OPCML: variants seen among roughly 807,000 people sequenced by gnomAD.
OPCML encodes the protein opioid-binding protein/cell adhesion molecule.
Under a neutral mutation model 37.8 loss-of-function variants are expected in OPCML, and 13 were observed. That is an observed-to-expected ratio of 0.34 (90% CI 0.22 to 0.55). The LOEUF (loss-of-function observed/expected upper bound fraction) is 0.55. Ranked by LOEUF, OPCML falls within the 20% of genes least tolerant of loss-of-function variation. The probability of loss-of-function intolerance (pLI) is 0.91; values close to 1 mark genes in which losing one functional copy is unlikely to be tolerated. For missense variants in OPCML, 341 were observed against 435.6 expected (o/e 0.78, Z 1.93); for synonymous variants, 176 against 168.8 (o/e 1.04, Z -0.33).
Position 132,710,282 on chromosome 11 carries a change from T to C in OPCML, c.147-52963A>G, listed in dbSNP as rs113447906. Among the ~76,000 whole-genome samples the C allele has an allele frequency of 6.0e-4, 92 of 152,270 alleles. 1 individual carries two copies. In the South Asian group the frequency reaches 0.016, roughly 27 times the overall value. ...TTCTCAGTTAAAAAAAAATCTATGA[T>C]AGAATATAAAATAGCATAGTATGTC... On this transcript the variant is annotated intron_variant, in intron 2 of 7. Coordinates refer to ENST00000524381, the MANE Select transcript of OPCML (RefSeq NM_001012393.5).
intron 1 of OPCML, among the ~76,000 whole-genome samples, chr11:133,164,962 C>G (rs1950190132): frequency 6.6e-6 from 1 of 152,150 alleles, no homozygotes; most frequent in African/African-American, 2.4e-5. Context: ...GGAAAAGCTC[C>G]TTGGATGCCT....
At chr11:132,716,287 C>T (rs1944473219) in intron 2 of OPCML, among the ~76,000 whole-genome samples, 1 of 152,176 alleles carries the variant, frequency 6.6e-6, no homozygotes, top group Non-Finnish European at 1.5e-5. Flanking sequence ...CAGGAAGTAG[C>T]ATGTAGATTT....
chr11:132,670,444 C>T (rs1349434853), intron 2 of OPCML, among the ~76,000 whole-genome samples: 1 of 152,176 alleles, frequency 6.6e-6, no homozygotes, highest in Non-Finnish European at 1.5e-5. Context: ...AACAAACCTC[C>T]TCCCCTTTTT....
intron 1 of OPCML, among the ~76,000 whole-genome samples, chr11:133,093,242 C>T (rs757245586): frequency 8.6e-5 from 13 of 151,286 alleles, no homozygotes; most frequent in African/African-American, 1.9e-4. Flanking sequence ...CTTTCCCCTG[C>T]GTCCCCCAAA....
intron 1 of OPCML, among the ~76,000 whole-genome samples, chr11:133,112,313 G>GAAAAAAAAA (rs1565453484): frequency 5.0e-4 from 33 of 66,396 alleles, no homozygotes; most frequent in Middle Eastern, 9.1e-3. Flanking sequence ...AAAAAAAAGG[G>GAAAAAAAAA]GAAAGAAACA....
intron 1 of OPCML, among the ~76,000 whole-genome samples, chr11:132,989,150 A>G (rs994301177): frequency 7.9e-5 from 12 of 152,038 alleles, no homozygotes; most frequent in Non-Finnish European, 1.5e-4. Context: ...ACATTCCCAA[A>G]CTCTGTGACC....
intron 1 of OPCML, among the ~76,000 whole-genome samples, chr11:133,369,876 T>C (rs890399207): frequency 6.6e-6 from 1 of 152,202 alleles, no homozygotes; most frequent in African/African-American, 2.4e-5. Context: ...GGACCAGAAA[T>C]GGTTTTAATT....
At position 132,620,007 on chromosome 11, in the gene OPCML, A is replaced by T. The variant is rs1358275959; in HGVS notation, c.379+37080T>A. Reference sequence around the variant, plus strand: ...AAAAACTCAGTGAAATTTTCTCTTAATTTTCTCTATGGAAAAATAAGAGAT... The same window carrying T: ...AAAAACTCAGTGAAATTTTCTCTTATTTTTCTCTATGGAAAAATAAGAGAT... On this transcript the variant is annotated intron_variant, in intron 3 of 7. Coordinates refer to ENST00000524381, the MANE Select transcript of OPCML (RefSeq NM_001012393.5). Among the ~76,000 whole-genome samples, 5 of 152,160 alleles carry T rather than the reference A, an allele frequency of 3.3e-5. No homozygotes were observed. The East Asian group carries it at 9.6e-4, about 29-fold the overall frequency.
At chr11:133,439,542 A>C (rs1591501513) in intron 1 of OPCML, among the ~76,000 whole-genome samples, 1 of 151,636 alleles carries the variant, frequency 6.6e-6, no homozygotes, top group East Asian at 1.9e-4. Context: ...ATCTCTGCTC[A>C]CTGCAAGCTC....
At chr11:133,105,816 A>C (rs971467419) in intron 1 of OPCML, among the ~76,000 whole-genome samples, 4 of 152,056 alleles carry the variant, frequency 2.6e-5, no homozygotes, top group Non-Finnish European at 4.4e-5. Flanking sequence ...CCCCATCTCT[A>C]CTAAAAAATA....
intron 3 of OPCML, among the ~76,000 whole-genome samples, chr11:132,539,547 T>A (rs1418606735): frequency 1.3e-5 from 2 of 152,066 alleles, no homozygotes; most frequent in African/African-American, 2.4e-5. Context: ...ATGATGATGA[T>A]GAAGATCATG....
rs1836839173 is a variant in OPCML at position 133,005,441 on chromosome 11, G to A, written c.62-62431C>T. ...ACCCATGTTCTCCTTTTCTACCCCT[G>A]CTACTCCACAGCTCTTAGGTACTAG... On this transcript the variant is annotated intron_variant, in intron 1 of 7. Transcript: ENST00000524381. The A allele has an allele frequency of 1.4e-5, 14 of 985,324 alleles. No homozygotes were observed. In the South Asian group the frequency reaches 6.1e-4, roughly 43 times the overall value. The allele number at this position is 985,324 out of a possible 1,614,324, so 61.0% of individuals were successfully genotyped here.
chr11:133,365,099 G>GC (rs1379840074), intron 1 of OPCML, among the ~76,000 whole-genome samples: 1 of 148,464 alleles, frequency 6.7e-6, no homozygotes, highest in Non-Finnish European at 1.5e-5. Flanking sequence ...TACCCATTCT[G>GC]CCCCTGGGAA....
intron 1 of OPCML, among the ~76,000 whole-genome samples, chr11:133,354,311 G>C (rs1192109713): frequency 7.3e-4 from 2 of 2,754 alleles, no homozygotes; most frequent in East Asian, 0.018. Flanking sequence ...GTGACGTGTT[G>C]GTAGTGGTGG....
chr11:133,196,546 C>CA (rs1938543405), intron 1 of OPCML, among the ~76,000 whole-genome samples: 1 of 152,198 alleles, frequency 6.6e-6, no homozygotes, highest in Non-Finnish European at 1.5e-5. Flanking sequence ...GTGACCTAAG[C>CA]ACCAACTCTG....
intron 1 of OPCML, among the ~76,000 whole-genome samples, chr11:133,044,627 G>A (rs892588712): frequency 6.6e-5 from 10 of 152,120 alleles, no homozygotes; most frequent in Non-Finnish European, 1.3e-4. Context: ...AATCCATACC[G>A]AATTCTAGGA....
chr11:133,151,467 AAAG>A (rs1031994838), intron 1 of OPCML, among the ~76,000 whole-genome samples: 1 of 151,922 alleles, frequency 6.6e-6, no homozygotes, highest in Non-Finnish European at 1.5e-5. Context: ...TTTTTTCAAA[AAAG>A]AAGCACACTT....
At chr11:133,422,988 G>C (rs1226303562) in intron 1 of OPCML, 1 of 985,252 alleles carries the variant, frequency 1.0e-6, no homozygotes, top group African/African-American at 1.7e-5. Flanking sequence ...TGTGTACAAA[G>C]TGCCTTACTT....
intron 1 of OPCML, among the ~76,000 whole-genome samples, chr11:133,196,245 G>A (rs1240138181): frequency 6.6e-6 from 1 of 152,202 alleles, no homozygotes; most frequent in African/African-American, 2.4e-5. Context: ...TTCTGCCCCT[G>A]AGCCTTGCTA....
Sources: allele counts gnomAD v4.1 joint callset (sites outside exome capture counted in the v4.1 genomes callset), GRCh38; gene constraint gnomAD v4.1.1; transcripts MANE v1.5; gene names NCBI Gene and HGNC (gene_info 2026-07-23, HGNC 2026-07-21).